ARHGAP24: variants seen among roughly 807,000 people sequenced by gnomAD.
The protein encoded by ARHGAP24 is rho GTPase-activating protein 24.
ARHGAP24 carries 50 observed loss-of-function variants against 76.4 expected under a neutral mutation model. That is an observed-to-expected ratio of 0.65 (90% confidence interval 0.52 to 0.83). ARHGAP24 has a LOEUF of 0.83. Ranked by LOEUF, ARHGAP24 falls within the 40% of genes least tolerant of loss-of-function variation. ARHGAP24 has a pLI of 0.00. For synonymous variants in ARHGAP24, 345 were observed against 323.3 expected (o/e 1.07, Z -0.72); for missense variants, 930 against 914.2 (o/e 1.02, Z -0.22).
At chr4:85,850,094 G>GCCTTAATTATT (rs1219945018) in intron 3 of ARHGAP24, among the ~76,000 whole-genome samples, 4 of 151,966 alleles carry the variant, frequency 2.6e-5, no homozygotes, top group Admixed American at 2.6e-4. Flanking sequence ...TTTTTTGGTT[G>GCCTTAATTATT]GTAGGCTATT....
intron 2 of ARHGAP24, among the ~76,000 whole-genome samples, chr4:85,712,687 C>G (rs1486883478): frequency 6.6e-6 from 1 of 152,108 alleles, no homozygotes; most frequent in Non-Finnish European, 1.5e-5. Context: ...TCTGTGTGAA[C>G]CAAATCTCCC....
intron 1 of ARHGAP24, among the ~76,000 whole-genome samples, chr4:85,540,787 C>T (rs1055498776): frequency 6.6e-6 from 1 of 152,186 alleles, no homozygotes; most frequent in African/African-American, 2.4e-5. Context: ...TAATTATTAG[C>T]AAACAATTCT....
intron 3 of ARHGAP24, chr4:85,827,873 G>A (rs1041471824): frequency 1.6e-6 from 2 of 1,285,670 alleles, no homozygotes; most frequent in Non-Finnish European, 2.0e-6. Context: ...AGTTGGGCTC[G>A]AATGTGCTTT....
At chr4:85,776,833 C>T (rs1391497551) in intron 3 of ARHGAP24, among the ~76,000 whole-genome samples, 2 of 152,186 alleles carry the variant, frequency 1.3e-5, no homozygotes, top group African/African-American at 4.8e-5. Flanking sequence ...CTTACAAGGT[C>T]TTACTCATAT....
chr4:85,858,291 T>TG (rs1414297905), intron 3 of ARHGAP24, among the ~76,000 whole-genome samples: 1 of 152,124 alleles, frequency 6.6e-6, no homozygotes, highest in Non-Finnish European at 1.5e-5. Context: ...CCTGACCACA[T>TG]GGTAGATGCT....
At chr4:85,552,923 C>A (rs1726199286) in intron 1 of ARHGAP24, among the ~76,000 whole-genome samples, 1 of 152,148 alleles carries the variant, frequency 6.6e-6, no homozygotes, top group Non-Finnish European at 1.5e-5. Context: ...CCTTCTGGTG[C>A]ATTCTTGGTC....
At chr4:85,541,379 T>G (rs1200790576) in intron 1 of ARHGAP24, among the ~76,000 whole-genome samples, 1 of 121,084 alleles carries the variant, frequency 8.3e-6, no homozygotes, top group Non-Finnish European at 1.5e-5. Flanking sequence ...GGTCTTGATC[T>G]CCTGACCTCG....
At chr4:85,763,564 A>G (rs1270636136) in intron 3 of ARHGAP24, among the ~76,000 whole-genome samples, 1 of 152,194 alleles carries the variant, frequency 6.6e-6, no homozygotes, top group African/African-American at 2.4e-5. Context: ...GAGGAGCCCA[A>G]AGCCTTCAGA....
At chr4:85,602,483 C>T (rs1720062077) in intron 2 of ARHGAP24, among the ~76,000 whole-genome samples, 1 of 152,156 alleles carries the variant, frequency 6.6e-6, no homozygotes, top group African/African-American at 2.4e-5. Flanking sequence ...GAGCTGTAGA[C>T]ATATCATTGG....
chr4:85,751,424 T>G (rs1398339348), intron 3 of ARHGAP24, among the ~76,000 whole-genome samples: 1 of 152,208 alleles, frequency 6.6e-6, no homozygotes, highest in Non-Finnish European at 1.5e-5. Context: ...GTGTGTGTAT[T>G]AAATTTATAT....
chr4:85,753,663 G>C (rs911464699), intron 3 of ARHGAP24, among the ~76,000 whole-genome samples: 2 of 152,144 alleles, frequency 1.3e-5, no homozygotes, highest in Non-Finnish European at 2.9e-5. Context: ...TTTGAAAAGA[G>C]GAATGCTCCC....
At chr4:85,857,949 T>C (rs1320344244) in intron 3 of ARHGAP24, among the ~76,000 whole-genome samples, 1 of 152,196 alleles carries the variant, frequency 6.6e-6, no homozygotes, top group Non-Finnish European at 1.5e-5. Context: ...TTCTAATAAT[T>C]CTTCTTTTAC....
chr4:85,758,387 T>G (rs1255958224), intron 3 of ARHGAP24, among the ~76,000 whole-genome samples: 3 of 152,114 alleles, frequency 2.0e-5, no homozygotes, highest in African/African-American at 7.2e-5. Flanking sequence ...GGGATAGTGA[T>G]GCAACCTCTC....
intron 8 of ARHGAP24, among the ~76,000 whole-genome samples, chr4:85,979,848 A>G (rs1303802406): frequency 6.6e-6 from 1 of 152,194 alleles, no homozygotes; most frequent in Non-Finnish European, 1.5e-5. Context: ...TATTATTGTG[A>G]ATATTTAAAA....
At chr4:85,720,581 G>A (rs1724894170) in intron 2 of ARHGAP24, among the ~76,000 whole-genome samples, 1 of 152,172 alleles carries the variant, frequency 6.6e-6, no homozygotes, top group Admixed American at 6.6e-5. Context: ...AGCTCAGAGT[G>A]TCCTAGATTA....
chr4:85,616,315 C>T (rs1337280288), intron 2 of ARHGAP24, among the ~76,000 whole-genome samples: 1 of 152,102 alleles, frequency 6.6e-6, no homozygotes, highest in Admixed American at 6.6e-5. Context: ...TTAAGTAAAG[C>T]CTACAAAGAA....
chr4:85,757,503 G>T (rs190614804), intron 3 of ARHGAP24, among the ~76,000 whole-genome samples: 3 of 152,118 alleles, frequency 2.0e-5, no homozygotes, highest in African/African-American at 7.2e-5. Context: ...TGCTGAGAAT[G>T]ATGGTTTCCA....
chr4:85,914,589 C>T (rs1028920063), intron 3 of ARHGAP24, among the ~76,000 whole-genome samples: 1 of 152,172 alleles, frequency 6.6e-6, no homozygotes, highest in Non-Finnish European at 1.5e-5. Flanking sequence ...CACATTTCTT[C>T]CCCTATGTGA....
chr4:85,843,091 T>C (rs1730696331), intron 3 of ARHGAP24, among the ~76,000 whole-genome samples: 2 of 152,238 alleles, frequency 1.3e-5, no homozygotes. Context: ...GTTATTATTT[T>C]ACATATTATT....
Sources: gnomAD v4.1 joint callset for allele counts (sites outside exome capture counted in the v4.1 genomes callset) on GRCh38, gnomAD v4.1.1 for gene constraint, MANE v1.5 for transcripts, NCBI Gene and HGNC (gene_info 2026-07-23, HGNC 2026-07-21) for gene names.